Variants in THSD7B observed in about 807,000 individuals in gnomAD.
THSD7B encodes the protein thrombospondin type-1 domain-containing protein 7B.
Under a neutral mutation model 213.6 loss-of-function variants are expected in THSD7B, and 138 were observed. The ratio of observed to expected loss-of-function variants is 0.65; its 90% CI spans 0.56 to 0.74. The LOEUF is 0.74. Among genes scored for constraint, THSD7B ranks in the 30% least tolerant of loss-of-function variants. The pLI is 0.00. For synonymous variants in THSD7B, 742 were observed against 687.0 expected (o/e 1.08, Z -1.25); for missense variants, 1,931 against 1,991.5 (o/e 0.97, Z 0.58).
At chr2:137,213,162 A>G (rs1265121950) in intron 7 of THSD7B, among the ~76,000 whole-genome samples, 3 of 151,582 alleles carry the variant, frequency 2.0e-5, no homozygotes, top group African/African-American at 7.3e-5. Context: ...GCACACAACC[A>G]TGTACCCTTT....
intron 7 of THSD7B, among the ~76,000 whole-genome samples, chr2:137,225,605 A>G (rs1194634650): frequency 6.6e-6 from 1 of 152,162 alleles, no homozygotes; most frequent in African/African-American, 2.4e-5. Context: ...AGGTGTAACA[A>G]TAGTGCCAAA....
chr2:136,834,056 G>A (rs1256133799), intron 1 of THSD7B, among the ~76,000 whole-genome samples: 3 of 152,136 alleles, frequency 2.0e-5, no homozygotes, highest in Non-Finnish European at 4.4e-5. Context: ...TATGTAGCTA[G>A]TACACAGCAG....
intron 1 of THSD7B, among the ~76,000 whole-genome samples, chr2:136,848,182 T>C (rs532361241): frequency 9.2e-5 from 14 of 152,210 alleles, no homozygotes; most frequent in Non-Finnish European, 1.9e-4. Flanking sequence ...CTCTGTCAAA[T>C]GTGGTCAGAG....
At chr2:136,777,242 T>C (rs1681628351) in intron 1 of THSD7B, among the ~76,000 whole-genome samples, 1 of 152,136 alleles carries the variant, frequency 6.6e-6, no homozygotes, top group African/African-American at 2.4e-5. Context: ...AATTGAAGGT[T>C]ACTCATAATG....
intron 15 of THSD7B, among the ~76,000 whole-genome samples, chr2:137,537,008 C>T (rs1680518924): frequency 6.6e-6 from 1 of 151,736 alleles, no homozygotes; most frequent in Non-Finnish European, 1.5e-5. Context: ...TATAGAGCTG[C>T]ATTCCTAGAA....
At chr2:137,533,162 G>A (rs78740997) in intron 15 of THSD7B, among the ~76,000 whole-genome samples, 5,681 of 151,714 alleles carry the variant, frequency 0.037, 172 homozygotes, top group Admixed American at 0.083. Flanking sequence ...ACCAAACTGC[G>A]TTTGAGTATA....
At chr2:137,495,850 C>T (rs1679549874) in intron 15 of THSD7B, among the ~76,000 whole-genome samples, 1 of 152,088 alleles carries the variant, frequency 6.6e-6, no homozygotes, top group Non-Finnish European at 1.5e-5. Flanking sequence ...ACATATTCTG[C>T]CAAAACTAGC....
intron 25 of THSD7B, among the ~76,000 whole-genome samples, chr2:137,662,064 T>C (rs990565040): frequency 4.3e-5 from 5 of 115,660 alleles, no homozygotes; most frequent in Non-Finnish European, 9.6e-5. Flanking sequence ...TCTTTTTTCT[T>C]TTTTTTTTTT....
intron 12 of THSD7B, among the ~76,000 whole-genome samples, chr2:137,403,237 G>A (rs992863041): frequency 2.6e-5 from 4 of 152,130 alleles, no homozygotes; most frequent in East Asian, 3.9e-4. Flanking sequence ...TAATTCCTTG[G>A]TTCTAAAGCA....
intron 12 of THSD7B, among the ~76,000 whole-genome samples, chr2:137,318,127 A>C (rs775718215): frequency 6.6e-6 from 1 of 152,210 alleles, no homozygotes; most frequent in African/African-American, 2.4e-5. Flanking sequence ...AGAGGGACCT[A>C]CTTTCGCACA....
At chr2:137,029,373 G>A (rs1279100429) in intron 2 of THSD7B, among the ~76,000 whole-genome samples, 2 of 151,988 alleles carry the variant, frequency 1.3e-5, no homozygotes, top group African/African-American at 2.4e-5. Context: ...TGCCAAGCCT[G>A]TAAGCATTGT....
chr2:137,366,348 A>G (rs956547320), intron 12 of THSD7B, among the ~76,000 whole-genome samples: 11 of 152,112 alleles, frequency 7.2e-5, no homozygotes, highest in Non-Finnish European at 1.3e-4. Flanking sequence ...TATGTAACAA[A>G]CCTGCAAGTT....
intron 15 of THSD7B, among the ~76,000 whole-genome samples, chr2:137,513,251 G>C (rs1680003729): frequency 6.6e-6 from 1 of 152,206 alleles, no homozygotes; most frequent in Non-Finnish European, 1.5e-5. Context: ...GCACTAATTT[G>C]TTGAGACTGA....
chr2:136,969,609 A>G (rs1012379922), intron 2 of THSD7B, among the ~76,000 whole-genome samples: 1 of 152,158 alleles, frequency 6.6e-6, no homozygotes, highest in African/African-American at 2.4e-5. Flanking sequence ...TTGCAAAAAT[A>G]TTTTGTGAAA....
At chr2:137,380,109 A>G (rs1197410336) in intron 12 of THSD7B, among the ~76,000 whole-genome samples, 1 of 152,158 alleles carries the variant, frequency 6.6e-6, no homozygotes, top group Admixed American at 6.5e-5. Context: ...TGTCCATTGT[A>G]GAGTCAACAA....
intron 2 of THSD7B, among the ~76,000 whole-genome samples, chr2:136,973,986 A>G (rs1041526810): frequency 1.3e-5 from 2 of 152,216 alleles, no homozygotes; most frequent in Non-Finnish European, 2.9e-5. Context: ...GGAATTGACA[A>G]GTAATGATGA....
chr2:137,208,488 G>A (rs906002936), intron 7 of THSD7B, among the ~76,000 whole-genome samples: 6 of 152,004 alleles, frequency 3.9e-5, no homozygotes, highest in Admixed American at 3.3e-4. Context: ...GCAAAACCCT[G>A]GGTGGGCTTT....
At chr2:137,126,268 C>T (rs966441617) in intron 5 of THSD7B, among the ~76,000 whole-genome samples, 17 of 152,262 alleles carry the variant, frequency 1.1e-4, no homozygotes, top group African/African-American at 2.6e-4. Context: ...AAGGCTGTTT[C>T]GTCTACATTA....
intron 3 of THSD7B, among the ~76,000 whole-genome samples, chr2:137,069,668 AT>A (rs1211343913): frequency 6.6e-6 from 1 of 151,958 alleles, no homozygotes; most frequent in Non-Finnish European, 1.5e-5. Context: ...CTCACTCCTC[AT>A]TGTTCCCTTG....
Sources: gnomAD v4.1 joint callset for allele counts (sites outside exome capture counted in the v4.1 genomes callset) on GRCh38, gnomAD v4.1.1 for gene constraint, MANE v1.5 for transcripts, NCBI Gene and HGNC (gene_info 2026-07-23, HGNC 2026-07-21) for gene names.